Variants in PARG observed in about 807,000 individuals in gnomAD.
PARG encodes poly(ADP-ribose) glycohydrolase.
In PARG, 35 loss-of-function variants were observed where a neutral mutation model predicts 113.0. The observed-to-expected ratio is 0.31, with a 90% confidence interval of 0.24 to 0.41. PARG has a LOEUF of 0.41. Among genes scored for constraint, PARG ranks in the 10% least tolerant of loss-of-function variants. The probability of loss-of-function intolerance (pLI) is 1.00; values close to 1 mark genes in which losing one functional copy is unlikely to be tolerated. For synonymous variants in PARG, 330 were observed against 409.9 expected (o/e 0.81, Z 2.36); for missense variants, 797 against 1,169.4 (o/e 0.68, Z 4.64).
chr10:49,888,891 T>C (rs537837798), intron 7 of PARG, among the ~76,000 whole-genome samples: 11 of 152,282 alleles, frequency 7.2e-5, no homozygotes, highest in African/African-American at 2.4e-4. Flanking sequence ...TGTTTTTTCA[T>C]CTATTTTCTC....
intron 15 of PARG, among the ~76,000 whole-genome samples, chr10:49,834,371 T>C (rs1844814349): frequency 6.6e-6 from 1 of 152,204 alleles, no homozygotes; most frequent in Non-Finnish European, 1.5e-5. Context: ...ACTATCAGGA[T>C]GGTTTTAGTT....
chr10:49,844,076 C>T (rs1025012007), intron 13 of PARG, among the ~76,000 whole-genome samples: 3 of 151,366 alleles, frequency 2.0e-5, no homozygotes, highest in Non-Finnish European at 4.4e-5. Flanking sequence ...ACCTGGGAGG[C>T]GGAGGTTGCA....
chr10:49,898,676 C>A (rs1848212384), intron 7 of PARG, among the ~76,000 whole-genome samples: 1 of 152,144 alleles, frequency 6.6e-6, no homozygotes, highest in African/African-American at 2.4e-5. Flanking sequence ...ACAAACTCTA[C>A]CTTCTGTGCA....
In PARG at chr10:49,888,382, G is replaced by GA. The variant is rs782710251; in HGVS notation, c.1738-3088dup. On this transcript the variant is annotated intron_variant, in intron 7 of 17. Coordinates refer to ENST00000616448, the MANE Select transcript of PARG (RefSeq NM_003631.5). The stretch of plus-strand genomic sequence containing the variant: ...TTTTATAATTTCTTTTCTGTTTCAG[G>GA]AAATTTCTTTAGACATTACTTTATG... 6.6e-5 allele frequency among the ~76,000 whole-genome samples: 10 copies of GA among 151,834 alleles called. No homozygotes were observed. In the East Asian group the frequency reaches 1.9e-3, roughly 29 times the overall value.
chr10:49,841,056 C>G (rs1845209769), intron 15 of PARG, among the ~76,000 whole-genome samples: 1 of 152,116 alleles, frequency 6.6e-6, no homozygotes, highest in South Asian at 2.1e-4. Context: ...AGTTCGAGAC[C>G]AGCCTGGCCA....
intron 7 of PARG, among the ~76,000 whole-genome samples, chr10:49,909,455 C>CT (rs1837042227): frequency 6.6e-6 from 1 of 152,042 alleles, no homozygotes; most frequent in Admixed American, 6.6e-5. Flanking sequence ...AGTTCAAAAA[C>CT]TGTTATTTTA....
intron 16 of PARG, among the ~76,000 whole-genome samples, chr10:49,830,365 C>T (rs1844597095): frequency 6.6e-6 from 1 of 152,134 alleles, no homozygotes; most frequent in African/African-American, 2.4e-5. Flanking sequence ...CCGAAAATAG[C>T]ACCATGCAGT....
intron 9 of PARG, among the ~76,000 whole-genome samples, chr10:49,870,072 A>G (rs1191850591): frequency 3.3e-5 from 5 of 152,062 alleles, no homozygotes; most frequent in African/African-American, 1.2e-4. Context: ...AAACAACTAG[A>G]TTCTTTTATG....
intron 1 of PARG, among the ~76,000 whole-genome samples, chr10:49,937,460 T>TGCA (rs1838808189): frequency 1.3e-5 from 2 of 148,460 alleles, no homozygotes; most frequent in African/African-American, 2.5e-5. Context: ...TGGGCGACAG[T>TGCA]GTGAGACTCT....
intron 6 of PARG, among the ~76,000 whole-genome samples, chr10:49,920,196 T>C (rs1298284754): frequency 6.6e-6 from 1 of 151,704 alleles, no homozygotes. Flanking sequence ...AGCCAGCACC[T>C]TGGGAGGCCA....
rs1838877703 is a variant in PARG at position 49,938,826 on chromosome 10, T to G, written c.217+2683A>C. On this transcript the variant is annotated intron_variant, in intron 1 of 17. Transcript: ENST00000616448. ...TAAATATCCATTTCGCTACCCCGCC[T>G]ACTTGTCCTAAGATAATTATATATA... 2.6e-5 allele frequency among the ~76,000 whole-genome samples: 4 copies of G among 152,118 alleles called. No individual in the cohort carries two copies. In the South Asian group the frequency reaches 8.3e-4, roughly 32 times the overall value.
At chr10:49,826,356 C>A (rs909050392) in intron 16 of PARG, among the ~76,000 whole-genome samples, 5 of 152,200 alleles carry the variant, frequency 3.3e-5, no homozygotes, top group African/African-American at 1.2e-4. Flanking sequence ...TATACTCCTA[C>A]CTTCCATTTT....
At chr10:49,886,612 T>C (rs1157096262) in intron 7 of PARG, among the ~76,000 whole-genome samples, 1 of 152,140 alleles carries the variant, frequency 6.6e-6, no homozygotes, top group African/African-American at 2.4e-5. Flanking sequence ...AACAAAAAGT[T>C]GCTTAAGAGA....
At chr10:49,931,256 TAAAAC>T (rs1329179074) in intron 4 of PARG, among the ~76,000 whole-genome samples, 3 of 152,116 alleles carry the variant, frequency 2.0e-5, no homozygotes, top group East Asian at 3.8e-4. Context: ...AATATAATGT[TAAAAC>T]AAACATGGTA....
chr10:49,874,487 C>T (rs1408058211), intron 9 of PARG, among the ~76,000 whole-genome samples: 1 of 152,098 alleles, frequency 6.6e-6, no homozygotes, highest in Non-Finnish European at 1.5e-5. Context: ...GATAAACCTG[C>T]CATCGCCAAG....
At chr10:49,878,613 G>A (rs1481490692) in intron 9 of PARG, among the ~76,000 whole-genome samples, 8 of 128,864 alleles carry the variant, frequency 6.2e-5, no homozygotes, top group Admixed American at 1.5e-4. Flanking sequence ...GTGAAGCTCC[G>A]TCTTAAAATT....
rs558540746 is a variant in PARG at position 49,895,553 on chromosome 10, G to A, written c.1738-10258C>T. On this transcript the variant is annotated intron_variant, in intron 7 of 17. Coordinates refer to ENST00000616448, the MANE Select transcript of PARG (RefSeq NM_003631.5). ...TGACTAGCTGGGAGTATATGTGCCC[G>A]CCACCACGCCTGGCTAATTTTTTTG... is the stretch of plus-strand genomic sequence containing the variant. 2.8e-4 allele frequency among the ~76,000 whole-genome samples: 42 copies of A among 151,898 alleles called. 1 individual carries two copies. Among genetic ancestry groups the A allele is most frequent in the Admixed American group, 2.5e-3 (38 of 15,252 alleles).
At chr10:49,848,556 A>T (rs1377972835) in intron 13 of PARG, among the ~76,000 whole-genome samples, 2 of 145,864 alleles carry the variant, frequency 1.4e-5, no homozygotes, top group Non-Finnish European at 3.0e-5. Flanking sequence ...ATTTTGGACA[A>T]GATATTCATG....
chr10:49,853,096 T>C (rs3877000), intron 13 of PARG, among the ~76,000 whole-genome samples: 15 of 149,140 alleles, frequency 1.0e-4, no homozygotes, highest in East Asian at 8.0e-4. Flanking sequence ...CACAGTGGTG[T>C]GATCTCGGCT....
Sources: gnomAD v4.1 joint callset for allele counts (sites outside exome capture counted in the v4.1 genomes callset) on GRCh38, gnomAD v4.1.1 for gene constraint, MANE v1.5 for transcripts, NCBI Gene and HGNC (gene_info 2026-07-23, HGNC 2026-07-21) for gene names.